ERC2: variants seen among roughly 807,000 people sequenced by gnomAD.
The protein encoded by ERC2 is ELKS/RAB6-interacting/CAST family member 2, also known as ERC protein 2.
ERC2 carries 42 observed loss-of-function variants against 114.8 expected under a neutral mutation model. That is an observed-to-expected ratio of 0.37 (90% CI 0.29 to 0.47). The LOEUF is 0.47. Ranked by LOEUF, ERC2 falls within the 20% of genes least tolerant of loss-of-function variation. The pLI, the probability that ERC2 is intolerant of heterozygous loss-of-function variation, is 0.99. For synonymous variants in ERC2, 454 were observed against 425.5 expected, an observed-to-expected ratio of 1.07 and a Z score of -0.82; for missense variants, 939 against 1,150.7, an observed-to-expected ratio of 0.82 and a Z score of 2.66.
intron 14 of ERC2, among the ~76,000 whole-genome samples, chr3:55,780,335 C>T (rs1351472927): frequency 6.6e-6 from 1 of 152,070 alleles, no homozygotes; most frequent in East Asian, 1.9e-4. Context: ...AACTAAAAAA[C>T]TACTTGAACA....
Position 56,083,708 on chromosome 3 carries a change from G to T in ERC2, c.1474-2724C>A, listed in dbSNP as rs1228798302. 2.0e-5 allele frequency among the ~76,000 whole-genome samples: 3 copies of T among 152,078 alleles called. 1 individual carries two copies. The highest frequency in any genetic ancestry group is 6.6e-5 in the Admixed American group (1 of 15,254). ...AACACAACTGGGAGAATGAAGTGGG[G>T]GTTGGATAAGGTTCCCATGGGTGAT... On this transcript the variant is annotated intron_variant, in intron 6 of 17. Coordinates refer to ENST00000288221, the MANE Select transcript of ERC2 (RefSeq NM_015576.3).
intron 17 of ERC2, among the ~76,000 whole-genome samples, chr3:55,548,882 T>G (rs892822752): frequency 1.3e-5 from 2 of 152,140 alleles, no homozygotes; most frequent in African/African-American, 2.4e-5. Flanking sequence ...GCCAATGTTG[T>G]TTTTCAGAAA....
chr3:55,647,080 T>G (rs907125918), intron 17 of ERC2: 3 of 152,070 alleles, frequency 2.0e-5, no homozygotes, highest in Non-Finnish European at 4.4e-5. Flanking sequence ...AAGGACACAT[T>G]TTTGTTACCC....
Position 55,757,584 on chromosome 3 carries a change from CTAA to C in ERC2, c.2565-22669_2565-22667del, listed in dbSNP as rs1390963551. Among the ~76,000 whole-genome samples the C allele has an allele frequency of 4.6e-5, 7 of 152,146 alleles. No individual in the cohort carries two copies. In the East Asian group the frequency reaches 7.7e-4, roughly 17 times the overall value. On this transcript the variant is annotated intron_variant, in intron 14 of 17. Coordinates refer to ENST00000288221, the MANE Select transcript of ERC2 (RefSeq NM_015576.3). ...TACTTTCTTAATCTACTAAATAATTCTAATAATAATTATTTCACAGGATTGCTG... is the reference window on the plus strand; with the variant it reads ...TACTTTCTTAATCTACTAAATAATTCTAATAATTATTTCACAGGATTGCTG...
chr3:56,250,021 C>T (rs989367218), intron 3 of ERC2, among the ~76,000 whole-genome samples: 1 of 151,984 alleles, frequency 6.6e-6, no homozygotes, highest in African/African-American at 2.4e-5. Context: ...CCACACCCGG[C>T]TAATTTTTGT....
intron 2 of ERC2, among the ~76,000 whole-genome samples, chr3:56,399,888 G>A (rs1455823901): frequency 1.3e-5 from 2 of 152,126 alleles, no homozygotes; most frequent in African/African-American, 4.8e-5. Flanking sequence ...AATCCAGGCT[G>A]GAGGGAAACT....
At chr3:55,803,365 C>CAT (rs534825943) in intron 14 of ERC2, among the ~76,000 whole-genome samples, 3 of 152,112 alleles carry the variant, frequency 2.0e-5, no homozygotes, top group African/African-American at 7.2e-5. Context: ...ATTTATGTAC[C>CAT]ATATTACAAG....
chr3:55,693,639 A>T (rs1331710780), intron 16 of ERC2, among the ~76,000 whole-genome samples: 1 of 152,132 alleles, frequency 6.6e-6, no homozygotes, highest in Admixed American at 6.5e-5. Context: ...CTCACAAAAC[A>T]GAAGAATGGA....
At chr3:56,305,138 C>G (rs1445683596) in intron 2 of ERC2, among the ~76,000 whole-genome samples, 3 of 151,834 alleles carry the variant, frequency 2.0e-5, no homozygotes. Flanking sequence ...TCCTTATCAG[C>G]AGGGCACAAA....
chr3:55,981,926 G>C (rs551226989), intron 12 of ERC2, among the ~76,000 whole-genome samples: 1 of 152,108 alleles, frequency 6.6e-6, no homozygotes, highest in African/African-American at 2.4e-5. Context: ...CATGACTGCC[G>C]CCTCCCATGT....
At chr3:56,341,741 C>G (rs116069597) in intron 2 of ERC2, among the ~76,000 whole-genome samples, 3,597 of 152,294 alleles carry the variant, frequency 0.024, 44 homozygotes, top group South Asian at 0.071. Flanking sequence ...CAGAACATTG[C>G]TTTCCCAAGG....
At chr3:56,356,400 G>A (rs1045570640) in intron 2 of ERC2, among the ~76,000 whole-genome samples, 4 of 152,216 alleles carry the variant, frequency 2.6e-5, no homozygotes, top group African/African-American at 9.7e-5. Flanking sequence ...GGTTCTATAA[G>A]GTTGGTAAGC....
At chr3:56,229,099 T>C (rs1238443681) in intron 3 of ERC2, among the ~76,000 whole-genome samples, 3 of 152,224 alleles carry the variant, frequency 2.0e-5, no homozygotes, top group African/African-American at 7.2e-5. Context: ...CATATACTTA[T>C]TTGGCATATA....
chr3:55,828,548 C>T (rs2060431942), intron 14 of ERC2, among the ~76,000 whole-genome samples: 1 of 149,370 alleles, frequency 6.7e-6, no homozygotes, highest in African/African-American at 2.5e-5. Flanking sequence ...TAGAGGACTG[C>T]AAAAGAGGGC....
In ERC2 at chr3:55,578,377, T is replaced by C. The variant is rs984832041; in HGVS notation, c.*40-67101A>G. Among the ~76,000 whole-genome samples the C allele has an allele frequency of 2.0e-5, 3 of 152,194 alleles. No individual in the cohort carries two copies. The East Asian group carries it at 5.8e-4, about 29-fold the overall frequency. ...CCTCGGGGCCTTCCACACACTTCAC[T>C]GTGCTCCAGGAAAGCTCTTGCCTTG... On this transcript the variant is annotated intron_variant, in intron 17 of 17. Coordinates refer to ENST00000288221, the MANE Select transcript of ERC2 (RefSeq NM_015576.3).
At chr3:56,359,011 C>G (rs537802087) in intron 2 of ERC2, among the ~76,000 whole-genome samples, 16 of 152,250 alleles carry the variant, frequency 1.1e-4, no homozygotes, top group African/African-American at 3.6e-4. Flanking sequence ...GGGTAGATGG[C>G]CTAAGGTGAC....
intron 7 of ERC2, among the ~76,000 whole-genome samples, chr3:56,036,911 G>A (rs963828826): frequency 3.3e-5 from 5 of 152,110 alleles, no homozygotes; most frequent in African/African-American, 1.2e-4. Context: ...CAAGGGGAGG[G>A]GCAGCTGCCA....
intron 5 of ERC2, among the ~76,000 whole-genome samples, chr3:56,144,999 G>A (rs1471012460): frequency 1.3e-5 from 2 of 152,082 alleles, no homozygotes; most frequent in South Asian, 2.1e-4. Flanking sequence ...AAAGCCAATC[G>A]GAATTACATC....
chr3:55,690,029 A>T (rs182306516), intron 16 of ERC2, among the ~76,000 whole-genome samples: 1 of 152,322 alleles, frequency 6.6e-6, no homozygotes, highest in Non-Finnish European at 1.5e-5. Flanking sequence ...GCTGAAGGCA[A>T]AATGGTGTGT....
Sources: allele counts gnomAD v4.1 joint callset (sites outside exome capture counted in the v4.1 genomes callset), GRCh38; gene constraint gnomAD v4.1.1; transcripts MANE v1.5; gene names NCBI Gene and HGNC (gene_info 2026-07-23, HGNC 2026-07-21).